WDR7: variants seen among roughly 807,000 people sequenced by gnomAD.
WDR7 encodes WD repeat domain 7, also known as WD repeat-containing protein 7.
A neutral mutation model predicts 169.4 loss-of-function variants in WDR7; 46 were observed. The ratio of observed to expected loss-of-function variants is 0.27; its 90% CI spans 0.21 to 0.35. The LOEUF is 0.35. Ranked by LOEUF, WDR7 falls within the 10% of genes least tolerant of loss-of-function variation. The probability of loss-of-function intolerance (pLI) is 1.00; values close to 1 mark genes in which losing one functional copy is unlikely to be tolerated. For missense variants in WDR7, 1,534 were observed against 1,859.3 expected (o/e 0.83, Z 3.22); for synonymous variants, 612 against 666.8 (o/e 0.92, Z 1.27).
Position 56,686,344 on chromosome 18 carries a change from G to GA in WDR7, c.597+321dup, listed in dbSNP as rs1233614803. ...TGCTTCTGTTTAAATTGACTCAAAG[G>GA]AAAAAAAAATAAAGCAAATCACCAC... On this transcript the variant is annotated intron_variant, in intron 6 of 27. Transcript: ENST00000254442. Among the ~76,000 whole-genome samples the GA allele has an allele frequency of 4.7e-5, 7 of 148,732 alleles. No homozygotes were observed. The East Asian group carries it at 9.9e-4, about 21-fold the overall frequency.
intron 3 of WDR7, among the ~76,000 whole-genome samples, chr18:56,680,227 G>A (rs937647047): frequency 3.3e-5 from 5 of 152,046 alleles, no homozygotes; most frequent in East Asian, 1.9e-4. Flanking sequence ...GCATGATGGC[G>A]TGCACCTGTA....
chr18:56,694,926 T>C (rs769330580), intron 10 of WDR7, 24 bp from the exon 11 acceptor site: 1 of 1,581,892 alleles, frequency 6.3e-7, no homozygotes, highest in Non-Finnish European at 8.6e-7. Flanking sequence ...TGTTTTTCTT[T>C]TATACAAAAC....
chr18:56,829,456 T>G (rs891843961), intron 20 of WDR7, among the ~76,000 whole-genome samples: 7 of 152,140 alleles, frequency 4.6e-5, no homozygotes, highest in African/African-American at 1.7e-4. Flanking sequence ...TTTAATAAGT[T>G]TCCTTATGTT....
intron 14 of WDR7, among the ~76,000 whole-genome samples, chr18:56,737,586 T>C (rs1357159536): frequency 6.6e-6 from 1 of 152,152 alleles, no homozygotes; most frequent in Non-Finnish European, 1.5e-5. Context: ...TGAAAAAAAA[T>C]GAATGTGCTA....
At chr18:56,767,232 C>A (rs75507750) in intron 16 of WDR7, among the ~76,000 whole-genome samples, 1,968 of 152,258 alleles carry the variant, frequency 0.013, 21 homozygotes, top group East Asian at 0.033. Flanking sequence ...ATATTTTCCC[C>A]CCAGCTCGAG....
chr18:56,899,770 T>A (rs1240072679), intron 21 of WDR7, among the ~76,000 whole-genome samples: 1 of 152,112 alleles, frequency 6.6e-6, no homozygotes. Flanking sequence ...ATATCTAATG[T>A]GTAAGAAATA....
chr18:56,843,750 A>C (rs1482236118), intron 20 of WDR7, among the ~76,000 whole-genome samples: 1 of 152,112 alleles, frequency 6.6e-6, no homozygotes, highest in Non-Finnish European at 1.5e-5. Flanking sequence ...AGGAACTGTC[A>C]TACTGTTTTC....
At chr18:57,026,474 G>C (rs886548723) in intron 27 of WDR7, among the ~76,000 whole-genome samples, 21 of 152,218 alleles carry the variant, frequency 1.4e-4, no homozygotes, top group Non-Finnish European at 2.6e-4. Flanking sequence ...CAAGTGAAGA[G>C]TGAAGGTATT....
chr18:56,722,766 A>G (rs2026350722), intron 13 of WDR7, among the ~76,000 whole-genome samples: 1 of 152,224 alleles, frequency 6.6e-6, no homozygotes, highest in South Asian at 2.1e-4. Context: ...CAACCCCTCC[A>G]TGCAATTAAT....
chr18:56,745,284 TTA>T (rs2043685180), intron 14 of WDR7, among the ~76,000 whole-genome samples: 1 of 152,206 alleles, frequency 6.6e-6, no homozygotes, highest in African/African-American at 2.4e-5. Context: ...AAGGCATCCC[TTA>T]TGTGACACTG....
At chr18:56,770,047 A>C (rs2044129253) in intron 16 of WDR7, among the ~76,000 whole-genome samples, 1 of 152,082 alleles carries the variant, frequency 6.6e-6, no homozygotes, top group Admixed American at 6.5e-5. Context: ...ACATAGAAGG[A>C]GCTCAGGAAA....
intron 20 of WDR7, among the ~76,000 whole-genome samples, chr18:56,854,330 C>T (rs967278844): frequency 1.3e-5 from 2 of 152,216 alleles, no homozygotes; most frequent in Non-Finnish European, 2.9e-5. Context: ...CTTAGGGAAA[C>T]ACATACTTGT....
At chr18:56,790,551 A>T (rs551816399) in intron 19 of WDR7, among the ~76,000 whole-genome samples, 1 of 152,260 alleles carries the variant, frequency 6.6e-6, no homozygotes, top group African/African-American at 2.4e-5. Flanking sequence ...AGCTAATGAT[A>T]GATTTTGTTC....
chr18:56,799,330 A>C (rs975441229), intron 19 of WDR7, among the ~76,000 whole-genome samples: 4 of 152,226 alleles, frequency 2.6e-5, no homozygotes, highest in African/African-American at 9.6e-5. Context: ...TGTGAAATAT[A>C]TGTAAATAAA....
At chr18:57,016,296 A>G (rs139390481) in intron 26 of WDR7, among the ~76,000 whole-genome samples, 276 of 152,280 alleles carry the variant, frequency 1.8e-3, no homozygotes, top group African/African-American at 5.6e-3. Flanking sequence ...TAAATGTTAT[A>G]CAAAATACAT....
intron 20 of WDR7, among the ~76,000 whole-genome samples, chr18:56,835,146 A>C (rs1405187630): frequency 2.0e-5 from 3 of 152,214 alleles, no homozygotes; most frequent in African/African-American, 7.2e-5. Context: ...TCAAAAGTAG[A>C]ACAAGGTATA....
intron 13 of WDR7, among the ~76,000 whole-genome samples, chr18:56,718,699 T>C (rs2026249073): frequency 6.6e-6 from 1 of 152,230 alleles, no homozygotes; most frequent in Non-Finnish European, 1.5e-5. Flanking sequence ...ATACACAGAC[T>C]GCTGTGGTTT....
intron 12 of WDR7, among the ~76,000 whole-genome samples, chr18:56,714,417 G>A (rs2026147540): frequency 6.7e-6 from 1 of 149,440 alleles, no homozygotes; most frequent in Non-Finnish European, 1.5e-5. Flanking sequence ...TTACAGAGAT[G>A]GTATATCATG....
chr18:57,006,981 C>CTT (rs780576391), intron 26 of WDR7, among the ~76,000 whole-genome samples: 9 of 141,500 alleles, frequency 6.4e-5, no homozygotes, highest in Admixed American at 2.1e-4. Flanking sequence ...TCTTTCCTAA[C>CTT]TTTTTTTTTT....
Sources: gnomAD v4.1 joint callset for allele counts (sites outside exome capture counted in the v4.1 genomes callset) on GRCh38, gnomAD v4.1.1 for gene constraint, MANE v1.5 for transcripts, NCBI Gene and HGNC (gene_info 2026-07-23, HGNC 2026-07-21) for gene names.